Variants in FIP1L1 observed in about 807,000 individuals in gnomAD.
FIP1L1 encodes the protein pre-mRNA 3'-end-processing factor FIP1.
In FIP1L1, 21 loss-of-function variants were observed where a neutral mutation model predicts 84.6. The observed-to-expected ratio is 0.25, with a 90% CI of 0.18 to 0.36. The LOEUF (loss-of-function observed/expected upper bound fraction) is 0.36, where lower values mean the gene tolerates loss of function less well. Ranked by LOEUF, FIP1L1 falls within the 10% of genes least tolerant of loss-of-function variation. The pLI is 1.00. For missense variants in FIP1L1, 526 were observed against 751.1 expected, an observed-to-expected ratio of 0.70 and a Z score of 3.50; for synonymous variants, 263 against 242.3, an observed-to-expected ratio of 1.09 and a Z score of -0.80.
intron 1 of FIP1L1, 173 bp from the exon 2 acceptor site, chr4:53,378,900 T>TA (rs1487044741): frequency 1.5e-6 from 1 of 674,548 alleles, no homozygotes; most frequent in Admixed American, 3.2e-5. Context: ...TAGCATTAGT[T>TA]ACTACTCTTT....
rs141861535 is a variant in FIP1L1, at chr4:53,411,625, G to A, written c.816-2990G>A. Reference sequence around the variant, plus strand: ...CACAGTAGATGTTTAAGACTAATGAGCTGTGCTACTGACCTAAGCACTGTA... The same window carrying A: ...CACAGTAGATGTTTAAGACTAATGAACTGTGCTACTGACCTAAGCACTGTA... On this transcript the variant is annotated intron_variant, in intron 10 of 17. Transcript: ENST00000337488. Among the ~76,000 whole-genome samples, 350 of 152,232 alleles carry A rather than the reference G, an allele frequency of 2.3e-3. 6 individuals are homozygous for A. The highest frequency in any genetic ancestry group is 0.019 in the East Asian group (99 of 5,176).
intron 13 of FIP1L1, among the ~76,000 whole-genome samples, chr4:53,438,445 TTA>T (rs1346439727): frequency 6.6e-6 from 1 of 152,210 alleles, no homozygotes; most frequent in African/African-American, 2.4e-5. Flanking sequence ...AAAGAATTGG[TTA>T]TATAGTGTTT....
At chr4:53,455,200 A>C (rs1718292259) in intron 16 of FIP1L1, among the ~76,000 whole-genome samples, 1 of 152,186 alleles carries the variant, frequency 6.6e-6, no homozygotes, top group South Asian at 2.1e-4. Context: ...TCTCCATATC[A>C]GCAATAATGC....
intron 10 of FIP1L1, among the ~76,000 whole-genome samples, chr4:53,406,530 A>T (rs1753586630): frequency 6.6e-6 from 1 of 152,144 alleles, no homozygotes; most frequent in Non-Finnish European, 1.5e-5. Flanking sequence ...TCACAAAATG[A>T]GTTAGGGAGG....
chr4:53,436,694 A>G (rs1192909188), intron 13 of FIP1L1, among the ~76,000 whole-genome samples: 3 of 152,212 alleles, frequency 2.0e-5, no homozygotes, highest in Non-Finnish European at 4.4e-5. Flanking sequence ...ATGAGTTTAT[A>G]GACAATCTGT....
Position 53,453,027 on chromosome 4 carries a change from A to G in FIP1L1, c.1393A>G (p.Arg465Gly). ...AAGAGAGAAAGACCGAGATAGAGAG[A>G]GAGACAGAGACAGAGAGCGAGACCG... ...ARREKDRDRERDRDRERDRDR... is the reference protein window; with the variant it reads ...ARREKDRDREGDRDRERDRDR... The change falls in exon 16 of 18, where the codon AGA (arginine) becomes GGA (glycine). Residue 465 changes from arginine to glycine, a missense_variant. This residue lies in a region of FIP1L1 where 83 missense variants were observed against 93.8 expected (regional missense o/e 0.88). Transcript: ENST00000337488. 2.5e-6 allele frequency: 4 copies of G among 1,612,620 alleles called. No individual in the cohort carries two copies. Among genetic ancestry groups the G allele is most frequent in the Non-Finnish European group, 3.4e-6 (4 of 1,178,720 alleles).
chr4:53,420,356 G>A (rs1456386419), intron 11 of FIP1L1, among the ~76,000 whole-genome samples: 3 of 150,026 alleles, frequency 2.0e-5, no homozygotes, highest in East Asian at 3.9e-4. Flanking sequence ...TTGAATCCAG[G>A]AGGCAGAGGT....
chr4:53,405,322 C>T (rs1162127723), intron 10 of FIP1L1, among the ~76,000 whole-genome samples: 2 of 151,864 alleles, frequency 1.3e-5, no homozygotes, highest in East Asian at 1.9e-4. Context: ...TAGTTGTAGA[C>T]ATGCGGCATT....
At chr4:53,432,767 G>A (rs922590771) in intron 13 of FIP1L1, among the ~76,000 whole-genome samples, 1 of 152,152 alleles carries the variant, frequency 6.6e-6, no homozygotes, top group Admixed American at 6.6e-5. Flanking sequence ...TCTAACCCAG[G>A]CAGTTTTGCT....
chr4:53,395,211 G>C (rs909735838), intron 9 of FIP1L1, among the ~76,000 whole-genome samples: 1 of 152,170 alleles, frequency 6.6e-6, no homozygotes, highest in African/African-American at 2.4e-5. Flanking sequence ...AAGTTGACTA[G>C]AAAGGTTGCT....
At chr4:53,440,429 C>A (rs563187148) in intron 13 of FIP1L1, among the ~76,000 whole-genome samples, 1 of 152,006 alleles carries the variant, frequency 6.6e-6, no homozygotes, top group Non-Finnish European at 1.5e-5. Context: ...AATTGTTAGT[C>A]CTCTACGAGA....
chr4:53,451,898 T>G (rs13117783), intron 15 of FIP1L1, among the ~76,000 whole-genome samples: 73,192 of 142,222 alleles, frequency 0.51, 18,923 homozygotes, highest in Non-Finnish European at 0.62. Context: ...TTTTTTTTTT[T>G]TTTGAGATAG....
At chr4:53,408,430 T>G (rs1316385816) in intron 10 of FIP1L1, among the ~76,000 whole-genome samples, 1 of 152,184 alleles carries the variant, frequency 6.6e-6, no homozygotes, top group African/African-American at 2.4e-5. Flanking sequence ...CCTGAACATT[T>G]TTTCCTTCAT....
chr4:53,422,801 A>G (rs767063372), intron 11 of FIP1L1, among the ~76,000 whole-genome samples: 26 of 151,614 alleles, frequency 1.7e-4, no homozygotes, highest in Non-Finnish European at 3.1e-4. Context: ...TGCATCCTTC[A>G]TCTCCTGGAC....
At chr4:53,405,951 C>G (rs1304371330) in intron 10 of FIP1L1, among the ~76,000 whole-genome samples, 2 of 152,012 alleles carry the variant, frequency 1.3e-5, no homozygotes, top group African/African-American at 4.8e-5. Flanking sequence ...ACGTCATCTG[C>G]AAACAGGGAC....
intron 15 of FIP1L1, among the ~76,000 whole-genome samples, chr4:53,446,998 A>G (rs1342947322): frequency 1.3e-5 from 2 of 152,072 alleles, no homozygotes; most frequent in Admixed American, 6.6e-5. Context: ...AGTAATAACA[A>G]TTATAAACCA....
At chr4:53,405,051 G>A (rs1478560532) in intron 10 of FIP1L1, among the ~76,000 whole-genome samples, 1 of 152,188 alleles carries the variant, frequency 6.6e-6, no homozygotes, top group Non-Finnish European at 1.5e-5. Flanking sequence ...TGTTGCCATT[G>A]CTTTTGGTGT....
chr4:53,428,549 T>C (rs1361320353), intron 13 of FIP1L1, among the ~76,000 whole-genome samples: 1 of 152,164 alleles, frequency 6.6e-6, no homozygotes, highest in Admixed American at 6.6e-5. Context: ...TGGGAGTAGA[T>C]CAAAAAATTA....
Position 53,377,658 on chromosome 4 carries a change from C to T in FIP1L1, c.-181C>T, listed in dbSNP as rs530935096. On this transcript the variant is annotated 5_prime_UTR_variant, in exon 1 of 18. Coordinates refer to ENST00000337488, the MANE Select transcript of FIP1L1 (RefSeq NM_030917.4). ...GGTCTCCTGCGCATGCGCAGACGGA[C>T]CTGCGCTGGAGGCTTCATCTTTGCC... 257 of 537,148 alleles carry T rather than the reference C, an allele frequency of 4.8e-4. 1 individual carries two copies. The highest frequency in any genetic ancestry group is 3.4e-3 in the African/African-American group (174 of 50,958). The allele number at this position is 537,148 out of a possible 1,614,324, so 33.3% of individuals were successfully genotyped here. A position where few individuals can be genotyped will look rare whatever the true frequency, so the allele number is the denominator to read the frequency against.
Sources: gnomAD v4.1 joint callset for allele counts (sites outside exome capture counted in the v4.1 genomes callset) on GRCh38, gnomAD v4.1.1 for gene constraint, gnomAD v4.1.1 regional missense constraint, MANE v1.5 for transcripts, NCBI Gene and HGNC (gene_info 2026-07-23, HGNC 2026-07-21) for gene names.